The following NSMF variants were observed in gnomAD, a reference collection of about 807,000 sequenced individuals.
NSMF encodes the protein NMDA receptor synaptonuclear signaling and neuronal migration factor, also known as nasal embryonic LHRH factor.
NSMF carries 31 observed loss-of-function variants against 71.0 expected under a neutral mutation model. The ratio of observed to expected loss-of-function variants is 0.44; its 90% CI spans 0.33 to 0.59. NSMF has a LOEUF of 0.59. Among genes scored for constraint, NSMF ranks in the 20% least tolerant of loss-of-function variants. The pLI, the probability that NSMF is intolerant of heterozygous loss-of-function variation, is 0.04. For synonymous variants in NSMF, 345 were observed against 287.1 expected, an observed-to-expected ratio of 1.20 and a Z score of -2.04; for missense variants, 673 against 740.5, an observed-to-expected ratio of 0.91 and a Z score of 1.06.
intron 3 of NSMF, 149 bp from the exon 4 acceptor site, chr9:137,456,635 G>T: frequency 1.4e-6 from 1 of 715,344 alleles, no homozygotes. Context: ...TCCCCACACG[G>T]GCACAGAGGG....
rs562223346 is a variant in NSMF at position 137,453,688 on chromosome 9, G to A, written c.922+43C>T. ...CCCCAGCAGGGGTCTGGGGTCTAGG[G>A]GAGGCTCTGGGGAAGGTGGGCGGGC... On this transcript the variant is annotated intron_variant, in intron 8 of 15. Transcript: ENST00000371475. The surrounding 1 kb of genome is among the most constrained non-coding windows in gnomAD (Gnocchi z 4.5). 27 of 1,509,756 alleles carry A rather than the reference G, an allele frequency of 1.8e-5. No homozygotes were observed. The highest frequency in any genetic ancestry group is 7.4e-5 in the Admixed American group (4 of 53,870). 93.5% of individuals were successfully genotyped at this position (1,509,756 alleles called of 1,614,324 possible).
chr9:137,458,465 G>A (rs113613912), intron 2 of NSMF, 23 bp downstream of exon 2: 4 of 1,564,042 alleles, frequency 2.6e-6, no homozygotes, highest in African/African-American at 1.4e-5. Flanking sequence ...GGGCGGCCCT[G>A]GCACGGCCTC....
Position 137,457,910 on chromosome 9 carries a change from G to A in NSMF, c.134-9C>T, listed in dbSNP as rs760032875. On this transcript the variant is annotated splice_polypyrimidine_tract_variant and intron_variant, in intron 2 of 15. Coordinates refer to ENST00000371475, the MANE Select transcript of NSMF (RefSeq NM_001130969.3). ...ATCAGCCAGCAGGTGATCTAGGAGA[G>A]ACACTGAGTGAGCCTGCCTGCCGCG... is the stretch of plus-strand genomic sequence containing the variant. The A allele has an allele frequency of 9.7e-6, 15 of 1,540,454 alleles. No homozygotes were observed. The South Asian group carries it at 1.3e-4, about 13-fold the overall frequency.
At chr9:137,454,876 T>C in intron 6 of NSMF, 2 of 516,398 alleles carry the variant, frequency 3.9e-6, no homozygotes, top group Non-Finnish European at 5.0e-6. Context: ...TCTGTGTCCT[T>C]GAGCCACCTC....
chr9:137,451,990 G>T (rs187842524), intron 12 of NSMF, among the ~76,000 whole-genome samples: 1 of 13,008 alleles, frequency 7.7e-5, no homozygotes, highest in Non-Finnish European at 1.3e-4. Context: ...GTTTCCCCCC[G>T]CCACACGCCT....
chr9:137,453,602 C>A lies in NSMF; in HGVS notation c.922+129G>T. 1 of 720,412 alleles carries A rather than the reference C, an allele frequency of 1.4e-6. No individual in the cohort carries two copies. Among genetic ancestry groups the A allele is most frequent in the South Asian group, 1.9e-5 (1 of 53,590 alleles). The allele number at this position is 720,412 out of a possible 1,614,324, so 44.6% of individuals were successfully genotyped here. A position where few individuals can be genotyped will look rare whatever the true frequency, so the allele number is the denominator to read the frequency against. ...AGATGCTGAGGGCGTCCCCATCTCA[C>A]AAACAGGTAAACCAAGATTCAGGAG... is the stretch of plus-strand genomic sequence containing the variant. On this transcript the variant is annotated intron_variant, in intron 8 of 15. Transcript: ENST00000371475. The surrounding 1 kb of genome is among the most constrained non-coding windows in gnomAD (Gnocchi z 4.5).
intron 5 of NSMF, 41 bp downstream of exon 5, chr9:137,455,585 GACA>G: frequency 6.5e-7 from 1 of 1,548,288 alleles, no homozygotes; most frequent in East Asian, 2.4e-5. Context: ...TCTCCCCAGG[GACA>G]ACAGCTGTGC....
Position 137,455,631 on chromosome 9 carries a change from G to T in NSMF, c.708C>A (p.Ile236=). The T allele has an allele frequency of 6.4e-7, 1 of 1,550,392 alleles. No individual in the cohort carries two copies. The highest frequency in any genetic ancestry group is 8.7e-7 in the Non-Finnish European group (1 of 1,146,884). ...CACCAAGTCATACAGGTACTTACGA[G>T]ATGCTGAAGCCAGGGCCAGAAGGGA... is the stretch of plus-strand genomic sequence containing the variant. ...FQTATTTMQA[I]SVFRGYAERK... is the part of the protein sequence containing the mutation. Residue 236 remains isoleucine, a splice_region_variant and synonymous_variant, in exon 5 of 16, where the codon ATC becomes ATA. Coordinates refer to ENST00000371475, the MANE Select transcript of NSMF (RefSeq NM_001130969.3).
intron 1 of NSMF, 89 bp downstream of exon 1, chr9:137,458,935 GGCCCGGGA>G (rs1471792515): frequency 1.0e-6 from 1 of 1,000,918 alleles, no homozygotes. Context: ...CAGAGGCCGG[GGCCCGGGA>G]GCCCGGGGAG....
rs375454156 is a variant in NSMF at position 137,453,042 on chromosome 9, G to A, written c.1047+14C>T. 1.6e-5 allele frequency: 26 copies of A among 1,612,000 alleles called. 1 individual carries two copies. Among genetic ancestry groups the A allele is most frequent in the South Asian group, 1.5e-4 (14 of 91,058 alleles). On this transcript the variant is annotated intron_variant, in intron 9 of 15. Coordinates refer to ENST00000371475, the MANE Select transcript of NSMF (RefSeq NM_001130969.3). The surrounding 1 kb of genome is among the most constrained non-coding windows in gnomAD (Gnocchi z 4.5). ...CTCGGGGTGTAGAGGAGCACTGCCC[G>A]GGCTGGGCCTCACCATGACCTTTGG...
chr9:137,452,400 C>T lies in NSMF; in HGVS notation c.1201G>A (p.Gly401Arg). 4 of 1,612,566 alleles carry T rather than the reference C, an allele frequency of 2.5e-6. No individual in the cohort carries two copies. The highest frequency in any genetic ancestry group is 1.7e-5 in the Admixed American group (1 of 60,006). The change falls in exon 12 of 16, where the codon GGA becomes AGA. Residue 401 changes from glycine to arginine, a missense_variant. Gly to Arg is a moderately radical substitution (Grantham distance 125). Coordinates refer to ENST00000371475, the MANE Select transcript of NSMF (RefSeq NM_001130969.3). ...IERKLNVYHKGAKIWKMLIFC... is the reference protein window; with the variant it reads ...IERKLNVYHKRAKIWKMLIFC... ...ATCAGCATTTTCCAGATCTTGGCTC[C>T]CTTGTGGTAGACGTTCAGCTTCCTC...
intron 3 of NSMF, among the ~76,000 whole-genome samples, chr9:137,457,100 C>T (rs1464597146): frequency 1.3e-5 from 2 of 152,158 alleles, no homozygotes; most frequent in Non-Finnish European, 2.9e-5. Flanking sequence ...GGTGCTTCCT[C>T]CCTACATATC....
At position 137,457,866 on chromosome 9, in the gene NSMF, C is replaced by T; in HGVS notation, c.169G>A (p.Gly57Arg). The T allele has an allele frequency of 6.5e-7, 1 of 1,549,516 alleles. No homozygotes were observed. The highest frequency in any genetic ancestry group is 8.7e-7 in the Non-Finnish European group (1 of 1,149,090). ...GGGGCCGGCTGCATCTCGGGGGACC[C>T]GTCGTGGCCAGAGTAGGCATCAGCC... ...LLADAYSGHD[G>R]SPEMQPAPQN... The change falls in exon 3 of 16, where the codon GGG (glycine) becomes AGG (arginine). Residue 57 changes from glycine (G) to arginine (R), a missense_variant. Physicochemically the swap from Gly to Arg is moderately radical, Grantham distance 125. This residue lies in a region of NSMF where 471 missense variants were observed against 459.6 expected (regional missense o/e 1.02). Transcript: ENST00000371475.
Position 137,453,586 on chromosome 9 carries a change from G to A in NSMF, c.922+145C>T, listed in dbSNP as rs553763078. ...CCGCCTTTGCGATCGGAGATGCTGA[G>A]GGCGTCCCCATCTCACAAACAGGTA... On this transcript the variant is annotated intron_variant, in intron 8 of 15. Transcript: ENST00000371475. This position sits in a 1 kb window ranked among gnomAD's most constrained non-coding sequence, Gnocchi z 4.5. 4.5e-6 allele frequency: 3 copies of A among 664,482 alleles called. No individual in the cohort carries two copies. Among genetic ancestry groups the A allele is most frequent in the African/African-American group, 1.8e-5 (1 of 55,052 alleles). The allele number at this position is 664,482 out of a possible 1,614,324, so 41.2% of individuals were successfully genotyped here. A position where few individuals can be genotyped will look rare whatever the true frequency, so the allele number is the denominator to read the frequency against.
Position 137,449,678 on chromosome 9 carries a change from G to C in NSMF, c.1420-4C>G. On this transcript the variant is annotated splice_polypyrimidine_tract_variant and splice_region_variant and intron_variant, in intron 14 of 15. Transcript: ENST00000371475. ...GGGTCCTGAGGTTCTGGAACAGCTG[G>C]AGGAAGCGGGGTGCCATGAGTCCGA... 6.2e-7 allele frequency: 1 copy of C among 1,611,836 alleles called. No individual in the cohort carries two copies. Among genetic ancestry groups the C allele is most frequent in the Non-Finnish European group, 8.5e-7 (1 of 1,179,274 alleles).
chr9:137,454,621 C>A, intron 6 of NSMF, 178 bp from the exon 7 acceptor site: 1 of 1,540,010 alleles, frequency 6.5e-7, no homozygotes, highest in Non-Finnish European at 8.7e-7. Context: ...GTGCTCTTCC[C>A]GCGACAGCCT....
At position 137,453,516 on chromosome 9, in the gene NSMF, C is replaced by T. The variant is rs1401676286; in HGVS notation, c.922+215G>A. The T allele has an allele frequency of 1.7e-6, 1 of 602,220 alleles. No individual in the cohort carries two copies. The highest frequency in any genetic ancestry group is 2.9e-6 in the Non-Finnish European group (1 of 341,744). The allele number at this position is 602,220 out of a possible 1,614,324, so 37.3% of individuals were successfully genotyped here. On this transcript the variant is annotated intron_variant, in intron 8 of 15. Coordinates refer to ENST00000371475, the MANE Select transcript of NSMF (RefSeq NM_001130969.3). This position sits in a 1 kb window ranked among gnomAD's most constrained non-coding sequence, Gnocchi z 4.5. ...CTCTTGCGAGTGGCGGTGGGCACGG[C>T]CCTACAGGCGCCCCCGGCCAGCACT...
chr9:137,450,104 T>TGGGGGAGGGACATGCC (rs1830399514), intron 13 of NSMF, 72 bp downstream of exon 13: 2 of 1,586,584 alleles, frequency 1.3e-6, no homozygotes, highest in East Asian at 4.5e-5. Flanking sequence ...GGAGGGGCTG[T>TGGGGGAGGGACATGCC]GGGGGAGGGA....
At chr9:137,454,321 T>C in intron 7 of NSMF, 70 bp downstream of exon 7, 3 of 1,437,050 alleles carry the variant, frequency 2.1e-6, no homozygotes, top group South Asian at 1.2e-5. Context: ...TTATCGCAGC[T>C]AGCAGCAAGC....
Sources: gnomAD v4.1 joint callset for allele counts (sites outside exome capture counted in the v4.1 genomes callset) on GRCh38, gnomAD v4.1.1 for gene constraint, gnomAD v4.1.1 regional missense constraint, Gnocchi (gnomAD v3.1) non-coding constraint, MANE v1.5 for transcripts, NCBI Gene and HGNC (gene_info 2026-07-23, HGNC 2026-07-21) for gene names.